The following CREBBP variants were observed in gnomAD, a reference collection of about 807,000 sequenced individuals.
CREBBP encodes the protein CREB binding lysine acetyltransferase.
Under a neutral mutation model 265.0 loss-of-function variants are expected in CREBBP, and 19 were observed. That is an observed-to-expected ratio of 0.07 (90% CI 0.05 to 0.11). The LOEUF (loss-of-function observed/expected upper bound fraction) is 0.11, where lower values mean the gene tolerates loss of function less well. Ranked by LOEUF, CREBBP falls within the 10% of genes least tolerant of loss-of-function variation. The pLI is 1.00. For missense variants in CREBBP, 2,525 were observed against 3,219.0 expected, an observed-to-expected ratio of 0.78 and a Z score of 5.22; for synonymous variants, 1,457 against 1,223.7, an observed-to-expected ratio of 1.19 and a Z score of -3.98.
In CREBBP at chr16:3,728,870, G is replaced by A. The variant is rs1210011907; in HGVS notation, c.6177C>T (p.Pro2059=). The change falls in exon 31 of 31, where the codon CCC becomes CCT. Residue 2059 remains proline (P), a synonymous_variant. Transcript: ENST00000262367. This position sits in a 1 kb window ranked among gnomAD's most constrained non-coding sequence, Gnocchi z 8.7. ...AGPRMPSVQP[P]RSISPSALQD... is the part of the protein sequence containing the mutation. ...GCAGAGCGCTGGGTGAGATGCTCCT[G>A]GGTGGCTGCACGCTGGGCATCCGGG... 1.9e-6 allele frequency: 3 copies of A among 1,612,440 alleles called. No individual in the cohort carries two copies. The highest frequency in any genetic ancestry group is 2.5e-6 in the Non-Finnish European group (3 of 1,179,884).
intron 2 of CREBBP, among the ~76,000 whole-genome samples, chr16:3,847,836 C>G (rs1274371024): frequency 6.6e-6 from 1 of 152,142 alleles, no homozygotes; most frequent in Admixed American, 6.6e-5. Context: ...AGAGGCATAT[C>G]AACTAACTGA....
intron 2 of CREBBP, among the ~76,000 whole-genome samples, chr16:3,849,772 G>A (rs186658389): frequency 5.8e-4 from 89 of 152,140 alleles, no homozygotes; most frequent in African/African-American, 2.0e-3. Flanking sequence ...TGCTGCTGCT[G>A]CTGGTCCAGG....
chr16:3,735,963 C>G (rs190572852), intron 28 of CREBBP, 73 bp downstream of exon 28: 35 of 1,613,000 alleles, frequency 2.2e-5, no homozygotes, highest in Middle Eastern at 1.7e-4. Context: ...ACAGTCGACA[C>G]GCGCCTCCCA....
At chr16:3,766,303 G>A (rs561952594) in intron 16 of CREBBP, among the ~76,000 whole-genome samples, 1 of 152,280 alleles carries the variant, frequency 6.6e-6, no homozygotes, top group South Asian at 2.1e-4. Context: ...ACAATCAGCT[G>A]AAAGGGCTAC....
chr16:3,839,339 T>C (rs1195144468), intron 2 of CREBBP, among the ~76,000 whole-genome samples: 1 of 152,142 alleles, frequency 6.6e-6, no homozygotes, highest in Non-Finnish European at 1.5e-5. Context: ...TGCGTGTCAA[T>C]CCATTTAATA....
In CREBBP at chr16:3,769,283, T is replaced by G. The variant is rs150923988; in HGVS notation, c.2951A>C (p.Asn984Thr). Residue 984 changes from asparagine (N) to threonine (T), a missense_variant, in exon 15 of 31, where the codon AAT (asparagine) becomes ACT (threonine). Asn to Thr is a moderately conservative substitution (Grantham distance 65). Around this residue, in one of 19 missense-constraint regions of CREBBP, gnomAD observed 548 missense variants for 533.0 expected, o/e 1.03. Transcript: ENST00000262367. ...TPSSVASAET[N>T]SQQPGPDVPV... ...TACGTCAGGTCCTGGCTGCTGGGAA[T>G]TGGTTTCTGCGCTGGCCACCGAGGA... is the stretch of plus-strand genomic sequence containing the variant. The G allele has an allele frequency of 6.2e-7, 1 of 1,614,166 alleles. No homozygotes were observed. The highest frequency in any genetic ancestry group is 1.1e-5 in the South Asian group (1 of 91,076).
chr16:3,831,901 G>C (rs1245004386), intron 2 of CREBBP, among the ~76,000 whole-genome samples: 1 of 152,008 alleles, frequency 6.6e-6, no homozygotes, highest in Non-Finnish European at 1.5e-5. Flanking sequence ...GGAGGCTGAC[G>C]TGGGAGAACT....
intron 1 of CREBBP, among the ~76,000 whole-genome samples, chr16:3,852,160 T>TG (rs1265165509): frequency 8.6e-5 from 8 of 92,596 alleles, no homozygotes; most frequent in East Asian, 7.1e-4. Context: ...TAAATTTGTT[T>TG]TTTTTTTTTT....
chr16:3,863,966 C>T (rs1231633272), intron 1 of CREBBP, among the ~76,000 whole-genome samples: 1 of 152,124 alleles, frequency 6.6e-6, no homozygotes, highest in Non-Finnish European at 1.5e-5. Flanking sequence ...GGCACCAGAC[C>T]CCGGAGAGGT....
intron 2 of CREBBP, among the ~76,000 whole-genome samples, chr16:3,820,942 A>G (rs1388537116): frequency 6.6e-6 from 1 of 152,138 alleles, no homozygotes; most frequent in Non-Finnish European, 1.5e-5. Flanking sequence ...TGAAACCGGC[A>G]CCCTAATACT....
chr16:3,734,684 C>A (rs910288227), intron 28 of CREBBP, among the ~76,000 whole-genome samples: 1 of 152,208 alleles, frequency 6.6e-6, no homozygotes, highest in Non-Finnish European at 1.5e-5. Context: ...CGTAAACCCA[C>A]GCCACCCCCT....
chr16:3,879,028 C>G (rs142709241), intron 1 of CREBBP, among the ~76,000 whole-genome samples: 1 of 7,226 alleles, frequency 1.4e-4, no homozygotes, highest in East Asian at 0.028. Context: ...TTCCTACATT[C>G]CTTAATTCTT....
chr16:3,741,916 A>T (rs937274707), intron 23 of CREBBP: 1 of 152,120 alleles, frequency 6.6e-6, no homozygotes, highest in South Asian at 2.1e-4. Flanking sequence ...TCTACTAAAA[A>T]ACAGAAAAAA....
intron 1 of CREBBP, among the ~76,000 whole-genome samples, chr16:3,871,279 A>C (rs2055294066): frequency 6.6e-6 from 1 of 151,586 alleles, no homozygotes. Context: ...CCCAAGTCAC[A>C]GCGCTGCCGA....
At chr16:3,797,917 G>T (rs1446622298) in intron 3 of CREBBP, among the ~76,000 whole-genome samples, 1 of 152,134 alleles carries the variant, frequency 6.6e-6, no homozygotes, top group East Asian at 1.9e-4. Context: ...GAAAAACTGC[G>T]AGCAAATTGG....
intron 26 of CREBBP, among the ~76,000 whole-genome samples, chr16:3,737,159 G>A (rs1010007717): frequency 6.6e-6 from 1 of 152,218 alleles, no homozygotes; most frequent in Non-Finnish European, 1.5e-5. Context: ...AGGCAGTTCG[G>A]TTGACTATTT....
chr16:3,775,660 G>GA (rs2053120690), intron 11 of CREBBP, among the ~76,000 whole-genome samples: 1 of 152,158 alleles, frequency 6.6e-6, no homozygotes, highest in Non-Finnish European at 1.5e-5. Context: ...CACTCCTTGA[G>GA]AATTTTTTTA....
chr16:3,744,278 C>T (rs923761106), intron 23 of CREBBP, among the ~76,000 whole-genome samples: 24 of 152,112 alleles, frequency 1.6e-4, no homozygotes, highest in Admixed American at 4.6e-4. Context: ...CCAGCACCCA[C>T]GGGACAGACC....
At chr16:3,829,217 AT>A (rs1334926603) in intron 2 of CREBBP, among the ~76,000 whole-genome samples, 2 of 152,186 alleles carry the variant, frequency 1.3e-5, no homozygotes, top group African/African-American at 4.8e-5. Flanking sequence ...TGAAGTTATG[AT>A]TTGGACCCAT....
Sources: gnomAD v4.1 joint callset for allele counts (sites outside exome capture counted in the v4.1 genomes callset) on GRCh38, gnomAD v4.1.1 for gene constraint, gnomAD v4.1.1 regional missense constraint, Gnocchi (gnomAD v3.1) non-coding constraint, MANE v1.5 for transcripts, NCBI Gene and HGNC (gene_info 2026-07-23, HGNC 2026-07-21) for gene names.